The following DIP2C variants were observed in gnomAD, a reference collection of about 807,000 sequenced individuals.
The protein encoded by DIP2C is DIP2 acetate--CoA ligase C (putative), also known as disco-interacting protein 2 homolog C.
Under a neutral mutation model 192.4 loss-of-function variants are expected in DIP2C, and 33 were observed. The observed-to-expected ratio is 0.17, with a 90% CI of 0.13 to 0.23. The LOEUF is 0.23. DIP2C is among the 10% of genes least tolerant of loss of function. DIP2C has a pLI of 1.00. For synonymous variants in DIP2C, 979 were observed against 864.1 expected, an observed-to-expected ratio of 1.13 and a Z score of -2.33; for missense variants, 1,537 against 2,110.1, an observed-to-expected ratio of 0.73 and a Z score of 5.32.
intron 1 of DIP2C, among the ~76,000 whole-genome samples, chr10:581,759 T>C (rs915517923): frequency 6.6e-5 from 10 of 152,194 alleles, no homozygotes; most frequent in African/African-American, 2.2e-4. Flanking sequence ...CAGGCCCTAC[T>C]GGAGATGAAA....
intron 4 of DIP2C, among the ~76,000 whole-genome samples, chr10:423,507 G>C (rs1966351362): frequency 6.6e-6 from 1 of 152,144 alleles, no homozygotes; most frequent in Non-Finnish European, 1.5e-5. Context: ...TACCCATGCA[G>C]CTGATTTCTA....
chr10:538,535 TGA>T (rs1169549746), intron 1 of DIP2C, among the ~76,000 whole-genome samples: 2 of 152,016 alleles, frequency 1.3e-5, no homozygotes, highest in East Asian at 1.9e-4. Context: ...GGGGCTAGGG[TGA>T]GAGAGGGATG....
intron 1 of DIP2C, among the ~76,000 whole-genome samples, chr10:594,527 C>A (rs145486656): frequency 6.6e-6 from 1 of 151,684 alleles, no homozygotes; most frequent in East Asian, 1.9e-4. Flanking sequence ...GGAACATGGC[C>A]GAGTACAGAC....
intron 1 of DIP2C, among the ~76,000 whole-genome samples, chr10:571,718 G>C (rs894599529): frequency 6.6e-6 from 1 of 152,198 alleles, no homozygotes; most frequent in African/African-American, 2.4e-5. Flanking sequence ...TGCCCCGTGG[G>C]CTCCGTGTCC....
chr10:321,573 G>C (rs569086445), intron 31 of DIP2C, among the ~76,000 whole-genome samples: 4 of 127,342 alleles, frequency 3.1e-5, no homozygotes, highest in African/African-American at 6.0e-5. Context: ...ACAGTCAGTC[G>C]GGGGTGCGGG....
At chr10:509,933 G>A (rs76329270) in intron 1 of DIP2C, among the ~76,000 whole-genome samples, 1,566 of 152,298 alleles carry the variant, frequency 0.01, 28 homozygotes, top group African/African-American at 0.036. Context: ...CCCAGGGCAG[G>A]AGTTCTCCTT....
intron 1 of DIP2C, among the ~76,000 whole-genome samples, chr10:579,334 C>A (rs889426165): frequency 6.6e-6 from 1 of 151,888 alleles, no homozygotes; most frequent in Non-Finnish European, 1.5e-5. Context: ...TGTGTACATG[C>A]ATAGTGTACA....
At chr10:395,147 TGGGGGGGAGGGAGGACA>T (rs1564657279) in intron 10 of DIP2C, among the ~76,000 whole-genome samples, 8 of 43,840 alleles carry the variant, frequency 1.8e-4, no homozygotes, top group East Asian at 7.7e-4. Flanking sequence ...AGGGAGGAGA[TGGGGGGGAGGGAGGACA>T]TGGGGAGATG....
At chr10:311,491 G>A in intron 31 of DIP2C, 4 of 1,231,554 alleles carry the variant, frequency 3.2e-6, no homozygotes, top group Non-Finnish European at 4.1e-6. Flanking sequence ...AAGGCAGCGG[G>A]GCTGGGCAGG....
At chr10:399,845 C>A (rs375763745) in intron 9 of DIP2C, among the ~76,000 whole-genome samples, 7 of 152,214 alleles carry the variant, frequency 4.6e-5, no homozygotes, top group African/African-American at 1.4e-4. Context: ...CAGCATCAGT[C>A]CCCTGGTGCC....
intron 1 of DIP2C, among the ~76,000 whole-genome samples, chr10:528,660 C>A (rs1847199637): frequency 6.6e-6 from 1 of 152,214 alleles, no homozygotes; most frequent in Non-Finnish European, 1.5e-5. Flanking sequence ...CTCCCAGCAT[C>A]AGCACCTGTA....
At position 456,735 on chromosome 10, in the gene DIP2C, T is replaced by C. The variant is rs895979571; in HGVS notation, c.268+15704A>G. 1.2e-4 allele frequency among the ~76,000 whole-genome samples: 18 copies of C among 152,192 alleles called. No individual in the cohort carries two copies. The East Asian group carries it at 3.5e-3, about 29-fold the overall frequency. On this transcript the variant is annotated intron_variant, in intron 3 of 36. Transcript: ENST00000280886. ...CCATCTGTGTTCCCTCCCTTTTGTC[T>C]CCACTACATAGGGCCATCTGTGTTC...
intron 1 of DIP2C, among the ~76,000 whole-genome samples, chr10:589,559 A>G (rs1157112163): frequency 6.6e-6 from 1 of 152,114 alleles, no homozygotes; most frequent in Admixed American, 6.5e-5. Flanking sequence ...TTCCAGCACC[A>G]TTTGTTGAAA....
At position 283,407 on chromosome 10, in the gene DIP2C, T is replaced by C. The variant is rs1234892384; in HGVS notation, c.4159A>G (p.Thr1387Ala). Reference sequence around the variant, plus strand: ...TGGAGGGATTCGTCTCCGTAAATAGTGAAATAACCGCTGGCATTGTGGGCA... The same window carrying C: ...TGGAGGGATTCGTCTCCGTAAATAGCGAAATAACCGCTGGCATTGTGGGCA... ...HSAHNASGYFTIYGDESLQSD... is the reference protein window; with the variant it reads ...HSAHNASGYFAIYGDESLQSD... The change falls in exon 35 of 37, where the codon ACT becomes GCT. Residue 1387 changes from threonine to alanine, a missense_variant. Physicochemically the swap from Thr to Ala is moderately conservative, Grantham distance 58. Around this residue, in one of 4 missense-constraint regions of DIP2C, gnomAD observed 341 missense variants for 551.7 expected, o/e 0.62. Coordinates refer to ENST00000280886, the MANE Select transcript of DIP2C (RefSeq NM_014974.3). 1.9e-6 allele frequency: 3 copies of C among 1,614,122 alleles called. No homozygotes were observed. The highest frequency in any genetic ancestry group is 2.5e-6 in the Non-Finnish European group (3 of 1,180,018).
chr10:609,058 A>C lies in DIP2C; in HGVS notation c.85+80436T>G, dbSNP rs182016867. ...ACTTTACCAGTATAGTCATATAAAC[A>C]AAAGGAGTATCACAAAAGCAAAGGG... is the stretch of plus-strand genomic sequence containing the variant. On this transcript the variant is annotated intron_variant, in intron 1 of 36. Transcript: ENST00000280886. 3.8e-3 allele frequency among the ~76,000 whole-genome samples: 585 copies of C among 152,256 alleles called. 6 individuals carry two copies. Among genetic ancestry groups the C allele is most frequent in the African/African-American group, 0.013 (558 of 41,550 alleles).
chr10:371,881 G>A (rs539896802), intron 17 of DIP2C, among the ~76,000 whole-genome samples: 1 of 152,332 alleles, frequency 6.6e-6, no homozygotes, highest in East Asian at 1.9e-4. Context: ...TGTTACGAGA[G>A]CCGGAATACG....
chr10:641,221 C>T (rs1318088358), intron 1 of DIP2C, among the ~76,000 whole-genome samples: 1 of 152,118 alleles, frequency 6.6e-6, no homozygotes, highest in Non-Finnish European at 1.5e-5. Flanking sequence ...GGACGCTCTC[C>T]GGACCCCTAG....
chr10:421,329 A>G (rs1227321992), intron 5 of DIP2C, among the ~76,000 whole-genome samples: 1 of 152,200 alleles, frequency 6.6e-6, no homozygotes, highest in Non-Finnish European at 1.5e-5. Context: ...GCCGTGATTC[A>G]CTTGTTCAAA....
At chr10:358,919 A>G (rs1959191475) in intron 22 of DIP2C, among the ~76,000 whole-genome samples, 1 of 151,890 alleles carries the variant, frequency 6.6e-6, no homozygotes, top group Non-Finnish European at 1.5e-5. Context: ...TAACAATGAT[A>G]TGATCAATTT....
Sources: allele counts gnomAD v4.1 joint callset (sites outside exome capture counted in the v4.1 genomes callset), GRCh38; gene constraint gnomAD v4.1.1; regional missense constraint gnomAD v4.1.1; transcripts MANE v1.5; gene names NCBI Gene and HGNC (gene_info 2026-07-23, HGNC 2026-07-21).